TNIK: variants seen among roughly 807,000 people sequenced by gnomAD.
TNIK encodes the protein TRAF2 and NCK-interacting protein kinase.
TNIK carries 49 observed loss-of-function variants against 191.3 expected under a neutral mutation model. That is an observed-to-expected ratio of 0.26 (90% CI 0.20 to 0.32). TNIK has a LOEUF of 0.32. TNIK is among the 10% of genes least tolerant of loss of function. The probability of loss-of-function intolerance (pLI) is 1.00; values close to 1 mark genes in which losing one functional copy is unlikely to be tolerated. For synonymous variants in TNIK, 594 were observed against 600.9 expected (o/e 0.99, Z 0.17); for missense variants, 1,155 against 1,702.3 (o/e 0.68, Z 5.66).
At chr3:171,452,759 CACACACACACA>C (rs1728331116) in intron 1 of TNIK, among the ~76,000 whole-genome samples, 1 of 151,764 alleles carries the variant, frequency 6.6e-6, no homozygotes, top group African/African-American at 2.4e-5. Flanking sequence ...CACACACACA[CACACACACACA>C]CATACGCCTT....
At chr3:171,337,424 C>A (rs1009752639) in intron 2 of TNIK, among the ~76,000 whole-genome samples, 1 of 152,190 alleles carries the variant, frequency 6.6e-6, no homozygotes, top group Non-Finnish European at 1.5e-5. Context: ...GAGGTCCAAA[C>A]GTTGAATAAA....
intron 1 of TNIK, among the ~76,000 whole-genome samples, chr3:171,456,400 A>G (rs1178108893): frequency 6.6e-6 from 1 of 152,192 alleles, no homozygotes; most frequent in Admixed American, 6.5e-5. Flanking sequence ...GTATACACAC[A>G]TTTTCATACA....
rs1029495121 is a variant in TNIK, at chr3:171,063,078, C to T, written c.*803G>A. On this transcript the variant is annotated 3_prime_UTR_variant, in exon 33 of 33. Transcript: ENST00000436636. ...GTTGTGTTAGAGTGTCCCTCCATCG[C>T]TAGGCCAGCTCAACTCAATGGCGTT... 1 of 152,192 alleles carries T rather than the reference C, an allele frequency of 6.6e-6. No homozygotes were observed. The highest frequency in any genetic ancestry group is 1.5e-5 in the Non-Finnish European group (1 of 68,052). 9.4% of individuals were successfully genotyped at this position (152,192 alleles called of 1,614,324 possible).
chr3:171,263,533 T>C (rs1747947429), intron 2 of TNIK, among the ~76,000 whole-genome samples: 1 of 152,176 alleles, frequency 6.6e-6, no homozygotes. Context: ...TATTCATTTA[T>C]CCATTTGACA....
chr3:171,285,557 GCA>G (rs1750920392), intron 2 of TNIK, among the ~76,000 whole-genome samples: 1 of 152,284 alleles, frequency 6.6e-6, no homozygotes, highest in Admixed American at 6.5e-5. Context: ...GAAGGCTGTG[GCA>G]CAGTTTAAAT....
At chr3:171,437,513 C>T (rs1726175063) in intron 1 of TNIK, among the ~76,000 whole-genome samples, 1 of 151,832 alleles carries the variant, frequency 6.6e-6, no homozygotes, top group Non-Finnish European at 1.5e-5. Context: ...AGACCTATGT[C>T]TAAGCTAATA....
chr3:171,416,130 G>A (rs570200489), intron 1 of TNIK, among the ~76,000 whole-genome samples: 1 of 152,032 alleles, frequency 6.6e-6, no homozygotes. Context: ...CTCAGAGTAA[G>A]CAAAAACTGA....
chr3:171,438,775 GGTTAACAAAAGGAAGA>G (rs1726363588), intron 1 of TNIK, among the ~76,000 whole-genome samples: 1 of 152,154 alleles, frequency 6.6e-6, no homozygotes, highest in Admixed American at 6.6e-5. Flanking sequence ...GGCTCGATCA[GGTTAACAAAAGGAAGA>G]GTGTGTGGGT....
intron 15 of TNIK, among the ~76,000 whole-genome samples, chr3:171,134,072 T>A (rs754247920): frequency 6.6e-6 from 1 of 152,282 alleles, no homozygotes; most frequent in East Asian, 1.9e-4. Context: ...GCCCACACAG[T>A]TATTGCCAGG....
At chr3:171,070,369 C>G (rs1196108047) in intron 29 of TNIK, among the ~76,000 whole-genome samples, 1 of 151,436 alleles carries the variant, frequency 6.6e-6, no homozygotes, top group Non-Finnish European at 1.5e-5. Context: ...AATAAGGAGC[C>G]AAATGGAGAT....
At chr3:171,175,140 A>T (rs532803688) in intron 9 of TNIK, 112 bp downstream of exon 9, 37 of 1,005,696 alleles carry the variant, frequency 3.7e-5, no homozygotes, top group South Asian at 3.1e-4. Context: ...CCAAGTCATC[A>T]TACATGTTAG....
At chr3:171,099,490 GA>G (rs1405085397) in intron 22 of TNIK, among the ~76,000 whole-genome samples, 1 of 151,938 alleles carries the variant, frequency 6.6e-6, no homozygotes, top group East Asian at 1.9e-4. Flanking sequence ...TATAGTCACT[GA>G]AGACCCACTG....
chr3:171,356,630 T>A (rs963089153), intron 2 of TNIK, among the ~76,000 whole-genome samples: 9 of 152,112 alleles, frequency 5.9e-5, no homozygotes, highest in Non-Finnish European at 1.3e-4. Flanking sequence ...TTGCCAAACA[T>A]TTAAGGAGAT....
chr3:171,183,317 C>T (rs1269931605), intron 7 of TNIK, among the ~76,000 whole-genome samples: 1 of 152,240 alleles, frequency 6.6e-6, no homozygotes, highest in East Asian at 1.9e-4. Context: ...GCTCCATTAT[C>T]ACAAAGCAGA....
intron 7 of TNIK, among the ~76,000 whole-genome samples, chr3:171,184,462 G>A (rs1378222531): frequency 2.6e-5 from 4 of 152,176 alleles, no homozygotes; most frequent in South Asian, 4.1e-4. Context: ...TACTGGCTGC[G>A]TTTCACTAAG....
At chr3:171,188,478 CT>C (rs1737637353) in intron 7 of TNIK, among the ~76,000 whole-genome samples, 1 of 152,040 alleles carries the variant, frequency 6.6e-6, no homozygotes, top group African/African-American at 2.4e-5. Flanking sequence ...ATGATTTAAA[CT>C]TTTTATTTAT....
chr3:171,253,747 G>C (rs536640554), intron 2 of TNIK, among the ~76,000 whole-genome samples: 45 of 150,246 alleles, frequency 3.0e-4, no homozygotes, highest in African/African-American at 1.1e-3. Flanking sequence ...CTCCCCAAGG[G>C]AAACTCTGAT....
chr3:171,069,059 T>C, intron 29 of TNIK, 62 bp from the exon 30 acceptor site: 4 of 1,550,474 alleles, frequency 2.6e-6, no homozygotes, highest in Non-Finnish European at 3.5e-6. Context: ...TTTTTTCCTT[T>C]AGCCACTGTC....
At chr3:171,252,314 C>T (rs932182103) in intron 2 of TNIK, among the ~76,000 whole-genome samples, 15 of 151,964 alleles carry the variant, frequency 9.9e-5, no homozygotes, top group African/African-American at 1.9e-4. Flanking sequence ...ATAAGTGTTC[C>T]GAACACAAGA....
Sources: allele counts gnomAD v4.1 joint callset (sites outside exome capture counted in the v4.1 genomes callset), GRCh38; gene constraint gnomAD v4.1.1; transcripts MANE v1.5; gene names NCBI Gene and HGNC (gene_info 2026-07-23, HGNC 2026-07-21).